Variants in PDE1A observed in about 807,000 individuals in gnomAD.
The protein encoded by PDE1A is phosphodiesterase 1A, also known as dual specificity calcium/calmodulin-dependent 3',5'-cyclic nucleotide phosphodiesterase 1A.
A neutral mutation model predicts 61.7 loss-of-function variants in PDE1A; 35 were observed. The observed-to-expected ratio is 0.57, with a 90% confidence interval of 0.43 to 0.75. The LOEUF (loss-of-function observed/expected upper bound fraction) is 0.75, where lower values mean the gene tolerates loss of function less well. PDE1A is among the 30% of genes least tolerant of loss of function. The pLI, the probability that PDE1A is intolerant of heterozygous loss-of-function variation, is 0.00. For missense variants in PDE1A, 597 were observed against 630.6 expected (o/e 0.95, Z 0.57); for synonymous variants, 232 against 213.2 (o/e 1.09, Z -0.77).
At chr2:182,604,426 G>A in the PDE1A span, among the ~76,000 whole-genome samples, 18 of 152,238 alleles carry the variant, frequency 1.2e-4, no homozygotes, top group Non-Finnish European at 2.4e-4. Flanking sequence ...TAAACATGCT[G>A]TCAATCATTA....
At chr2:182,291,436 G>A (rs1051899143) in intron 1 of PDE1A, among the ~76,000 whole-genome samples, 3 of 152,124 alleles carry the variant, frequency 2.0e-5, no homozygotes, top group Non-Finnish European at 4.4e-5. Context: ...AGTATTGCAC[G>A]TAGTGCATAT....
chr2:182,694,329 T>C, the PDE1A span, among the ~76,000 whole-genome samples: 7 of 152,324 alleles, frequency 4.6e-5, no homozygotes, highest in African/African-American at 1.7e-4. Flanking sequence ...TTGAGATATA[T>C]TGATACATAT....
At chr2:182,457,171 A>G (rs1281584166) in intron 2 of PDE1A, among the ~76,000 whole-genome samples, 1 of 152,012 alleles carries the variant, frequency 6.6e-6, no homozygotes, top group Non-Finnish European at 1.5e-5. Context: ...TTAGTAGAGG[A>G]GAAACTTACT....
intron 2 of PDE1A, among the ~76,000 whole-genome samples, chr2:182,254,725 G>C (rs1296597998): frequency 6.6e-6 from 1 of 152,120 alleles, no homozygotes; most frequent in African/African-American, 2.4e-5. Context: ...TGCCAATCAA[G>C]GGCTTTCCAC....
chr2:182,378,009 G>T (rs1700512823), intron 1 of PDE1A, among the ~76,000 whole-genome samples: 1 of 151,988 alleles, frequency 6.6e-6, no homozygotes, highest in South Asian at 2.1e-4. Flanking sequence ...ACCTCGCCCG[G>T]CTAATTTTTT....
the PDE1A span, among the ~76,000 whole-genome samples, chr2:182,561,341 G>A: frequency 6.6e-6 from 1 of 151,992 alleles, no homozygotes; most frequent in Non-Finnish European, 1.5e-5. Flanking sequence ...GTTTTTCTCA[G>A]GTTTGTCAAA....
At chr2:182,228,356 C>T (rs1689301879) in intron 6 of PDE1A, among the ~76,000 whole-genome samples, 1 of 152,112 alleles carries the variant, frequency 6.6e-6, no homozygotes, top group South Asian at 2.1e-4. Context: ...ATGCATTAGT[C>T]TCCTGACAGT....
intron 2 of PDE1A, among the ~76,000 whole-genome samples, chr2:182,433,949 G>A (rs540129740): frequency 6.6e-6 from 1 of 152,008 alleles, no homozygotes; most frequent in Non-Finnish European, 1.5e-5. Flanking sequence ...TCAGAGATGT[G>A]ACTCTCCTGA....
At chr2:182,359,700 A>C (rs1269930988) in intron 1 of PDE1A, among the ~76,000 whole-genome samples, 1 of 152,106 alleles carries the variant, frequency 6.6e-6, no homozygotes, top group Admixed American at 6.6e-5. Context: ...ACTTTATGTC[A>C]CTGAGACTAA....
intron 1 of PDE1A, among the ~76,000 whole-genome samples, chr2:182,414,458 T>C (rs1475801386): frequency 6.6e-6 from 1 of 152,080 alleles, no homozygotes; most frequent in Admixed American, 6.6e-5. Flanking sequence ...AGATCTAAGG[T>C]GACCTTCAAT....
At chr2:182,290,655 G>T (rs1574265165) in intron 1 of PDE1A, among the ~76,000 whole-genome samples, 1 of 151,626 alleles carries the variant, frequency 6.6e-6, no homozygotes, top group East Asian at 1.9e-4. Flanking sequence ...TTCTTATTTT[G>T]CTCCAATCTA....
At chr2:182,659,607 T>C in the PDE1A span, among the ~76,000 whole-genome samples, 1 of 152,218 alleles carries the variant, frequency 6.6e-6, no homozygotes, top group African/African-American at 2.4e-5. Context: ...TCTACTCATA[T>C]GGTAGTGAAA....
At chr2:182,274,296 A>T (rs911597795) in intron 1 of PDE1A, among the ~76,000 whole-genome samples, 1 of 152,168 alleles carries the variant, frequency 6.6e-6, no homozygotes, top group Non-Finnish European at 1.5e-5. Flanking sequence ...ACACTTCAAA[A>T]ATGCACTAGC....
At chr2:182,711,825 C>G in the PDE1A span, among the ~76,000 whole-genome samples, 4 of 152,196 alleles carry the variant, frequency 2.6e-5, no homozygotes, top group Non-Finnish European at 4.4e-5. Flanking sequence ...TGGATTTTAA[C>G]CCATAGAATA....
chr2:182,171,231 C>T (rs1196062), intron 13 of PDE1A, among the ~76,000 whole-genome samples: 2 of 151,802 alleles, frequency 1.3e-5, no homozygotes, highest in South Asian at 4.1e-4. Flanking sequence ...CAGTGATTAA[C>T]ATTTTGAAAA....
At chr2:182,625,706 T>C in the PDE1A span, among the ~76,000 whole-genome samples, 1 of 152,230 alleles carries the variant, frequency 6.6e-6, no homozygotes, top group African/African-American at 2.4e-5. Flanking sequence ...TCAGTTTACA[T>C]TGCTTTTAAG....
At chr2:182,601,451 G>A in the PDE1A span, among the ~76,000 whole-genome samples, 1 of 152,224 alleles carries the variant, frequency 6.6e-6, no homozygotes, top group Non-Finnish European at 1.5e-5. Context: ...AAGGGCCTCA[G>A]CTCTTCTCTT....
intron 3 of PDE1A, among the ~76,000 whole-genome samples, chr2:182,236,304 T>C (rs1690005397): frequency 1.1e-5 from 1 of 90,292 alleles, no homozygotes; most frequent in Admixed American, 1.2e-4. Context: ...AATCATACTA[T>C]ACAAGATCTA....
At chr2:182,613,152 C>T in the PDE1A span, among the ~76,000 whole-genome samples, 3 of 152,154 alleles carry the variant, frequency 2.0e-5, no homozygotes, top group East Asian at 1.9e-4. Flanking sequence ...AAATACCATG[C>T]ATGACACTAT....
Sources: gnomAD v4.1 joint callset for allele counts (sites outside exome capture counted in the v4.1 genomes callset) on GRCh38, gnomAD v4.1.1 for gene constraint, MANE v1.5 for transcripts, NCBI Gene and HGNC (gene_info 2026-07-23, HGNC 2026-07-21) for gene names.